The following PRKN variants were observed in gnomAD, a reference collection of about 807,000 sequenced individuals.
PRKN encodes parkin RBR E3 ubiquitin protein ligase.
PRKN carries 56 observed loss-of-function variants against 59.5 expected under a neutral mutation model. That is an observed-to-expected ratio of 0.94 (90% CI 0.76 to 1.18). The LOEUF is 1.18. PRKN is among the 50% of genes most tolerant of loss of function. The pLI is 0.00. For missense variants in PRKN, 657 were observed against 596.4 expected, an observed-to-expected ratio of 1.10 and a Z score of -1.06; for synonymous variants, 250 against 222.1, an observed-to-expected ratio of 1.13 and a Z score of -1.12.
intron 6 of PRKN, among the ~76,000 whole-genome samples, chr6:161,798,196 T>C (rs1359025828): frequency 6.6e-6 from 1 of 152,060 alleles, no homozygotes; most frequent in Non-Finnish European, 1.5e-5. Context: ...GGGAGACTCC[T>C]TCTCAAAACA....
intron 5 of PRKN, among the ~76,000 whole-genome samples, chr6:161,995,056 T>C (rs557102558): frequency 6.6e-6 from 1 of 152,092 alleles, no homozygotes; most frequent in Non-Finnish European, 1.5e-5. Context: ...AAAGCTATAG[T>C]AACCAAAACA....
rs1465293371 is a variant in PRKN at position 161,545,057 on chromosome 6, C to T, written c.1083+3797G>A. The T allele has an allele frequency of 1.4e-6, 1 of 716,450 alleles. No homozygotes were observed. The highest frequency in any genetic ancestry group is 1.8e-6 in the Non-Finnish European group (1 of 549,950). The allele number at this position is 716,450 out of a possible 1,614,324, so 44.4% of individuals were successfully genotyped here. The stretch of plus-strand genomic sequence containing the variant: ...GATTAGAATCCTCTGGAGCCCAGAG[C>T]TCAACACATGGGTGTCTAGCTCCGA... On this transcript the variant is annotated intron_variant, in intron 9 of 11. Coordinates refer to ENST00000366898, the MANE Select transcript of PRKN (RefSeq NM_004562.3). This position sits in a 1 kb window ranked among gnomAD's most constrained non-coding sequence, Gnocchi z 4.1.
chr6:162,137,903 T>A (rs1781615531), intron 4 of PRKN, among the ~76,000 whole-genome samples: 2 of 152,122 alleles, frequency 1.3e-5, no homozygotes, highest in South Asian at 4.1e-4. Flanking sequence ...ATATAGAAGT[T>A]ATATATATAA....
chr6:162,627,532 G>A (rs767255644), intron 1 of PRKN, among the ~76,000 whole-genome samples: 21 of 152,088 alleles, frequency 1.4e-4, no homozygotes, highest in Non-Finnish European at 2.4e-4. Context: ...TTTAAGGAAG[G>A]TAACTGGAGT....
chr6:162,242,154 T>C (rs1779014321), intron 3 of PRKN, among the ~76,000 whole-genome samples: 1 of 152,116 alleles, frequency 6.6e-6, no homozygotes, highest in Non-Finnish European at 1.5e-5. Flanking sequence ...TACATTGAGT[T>C]TGACATTCCT....
intron 4 of PRKN, among the ~76,000 whole-genome samples, chr6:162,190,058 T>A (rs1384386430): frequency 1.3e-5 from 2 of 152,112 alleles, no homozygotes; most frequent in African/African-American, 4.8e-5. Flanking sequence ...AAACTAGCCG[T>A]GGGAGAACCC....
At chr6:161,514,799 G>A (rs940852517) in intron 9 of PRKN, among the ~76,000 whole-genome samples, 1 of 152,104 alleles carries the variant, frequency 6.6e-6, no homozygotes, top group Non-Finnish European at 1.5e-5. Flanking sequence ...GGAGGACTGC[G>A]GGGAGGCCAG....
Position 162,168,834 on chromosome 6 carries a change from C to A in PRKN, c.534+32297G>T, listed in dbSNP as rs75234840. Among the ~76,000 whole-genome samples the A allele has an allele frequency of 4.3e-3, 655 of 152,208 alleles. 5 individuals carry two copies. Among genetic ancestry groups the A allele is most frequent in the African/African-American group, 0.015 (630 of 41,532 alleles). On this transcript the variant is annotated intron_variant, in intron 4 of 11. Transcript: ENST00000366898. ...CAGGGAAAATTAAAAATGCATGAAC[C>A]ATTCCATATAGGAGGGAATTGAAAA...
rs569831145 is a variant in PRKN, at chr6:161,399,953, C to T, written c.1084-13076G>A. On this transcript the variant is annotated intron_variant, in intron 9 of 11. Transcript: ENST00000366898. This position sits in a 1 kb window ranked among gnomAD's most constrained non-coding sequence, Gnocchi z 4.4. Reference sequence around the variant, plus strand: ...AAATTGTATCATTTCAACATGCAATCGATATAAAAATTGGTAATGAGTTAT... The same window carrying T: ...AAATTGTATCATTTCAACATGCAATTGATATAAAAATTGGTAATGAGTTAT... Among the ~76,000 whole-genome samples the T allele has an allele frequency of 3.3e-5, 5 of 152,208 alleles. No individual in the cohort carries two copies. In the South Asian group the frequency reaches 6.2e-4, roughly 19 times the overall value.
At chr6:161,535,364 A>C (rs1779374645) in intron 9 of PRKN, among the ~76,000 whole-genome samples, 2 of 152,168 alleles carry the variant, frequency 1.3e-5, no homozygotes, top group African/African-American at 4.8e-5. Flanking sequence ...TTAGAAATAA[A>C]AAAGAAGTAG....
At chr6:162,283,056 T>A (rs532761943) in intron 2 of PRKN, among the ~76,000 whole-genome samples, 1 of 152,172 alleles carries the variant, frequency 6.6e-6, no homozygotes, top group African/African-American at 2.4e-5. Flanking sequence ...AGAATGGAAT[T>A]TTTTTTCTAC....
chr6:161,983,906 TAA>T (rs767783163), intron 5 of PRKN, among the ~76,000 whole-genome samples: 5 of 117,288 alleles, frequency 4.3e-5, no homozygotes, highest in African/African-American at 1.1e-4. Context: ...TAGAGTATAA[TAA>T]AAAAAAAAAA....
chr6:162,479,258 C>T (rs186820204), intron 1 of PRKN, among the ~76,000 whole-genome samples: 1 of 151,104 alleles, frequency 6.6e-6, no homozygotes, highest in East Asian at 1.9e-4. Context: ...CGGTGTCATG[C>T]TCTGTTGCCC....
At chr6:161,618,164 C>T (rs1204317917) in intron 7 of PRKN, among the ~76,000 whole-genome samples, 1 of 152,124 alleles carries the variant, frequency 6.6e-6, no homozygotes, top group East Asian at 1.9e-4. Context: ...ATATTTTTTT[C>T]CTATCGTACA....
At chr6:161,469,992 T>G (rs1790702294) in intron 9 of PRKN, among the ~76,000 whole-genome samples, 1 of 152,228 alleles carries the variant, frequency 6.6e-6, no homozygotes, top group Non-Finnish European at 1.5e-5. Context: ...GTGCTTACTA[T>G]GAACCGGGCA....
chr6:162,447,772 G>A (rs9347642), intron 1 of PRKN, among the ~76,000 whole-genome samples: 83,170 of 151,630 alleles, frequency 0.55, 23,757 homozygotes, highest in East Asian at 0.71. Flanking sequence ...CAGCCATTCC[G>A]CCTCCTGCAC....
chr6:161,713,849 G>A (rs993640418), intron 7 of PRKN, among the ~76,000 whole-genome samples: 4 of 152,086 alleles, frequency 2.6e-5, no homozygotes, highest in South Asian at 2.1e-4. Context: ...TCATGGGGCC[G>A]GGTTTTTGCC....
chr6:162,492,347 C>G (rs1338104208), intron 1 of PRKN, among the ~76,000 whole-genome samples: 1 of 152,220 alleles, frequency 6.6e-6, no homozygotes, highest in Non-Finnish European at 1.5e-5. Flanking sequence ...TCCAACCATT[C>G]AATGCAGGCT....
At chr6:161,606,793 A>AG (rs1441741487) in intron 7 of PRKN, among the ~76,000 whole-genome samples, 1 of 152,194 alleles carries the variant, frequency 6.6e-6, no homozygotes, top group Non-Finnish European at 1.5e-5. Flanking sequence ...AATGAGAATA[A>AG]GTACTTGAAA....
Sources: gnomAD v4.1 joint callset for allele counts (sites outside exome capture counted in the v4.1 genomes callset) on GRCh38, gnomAD v4.1.1 for gene constraint, Gnocchi (gnomAD v3.1) non-coding constraint, MANE v1.5 for transcripts, NCBI Gene and HGNC (gene_info 2026-07-23, HGNC 2026-07-21) for gene names.